Variants in ITGA9 observed in about 807,000 individuals in gnomAD.
The protein encoded by ITGA9 is integrin alpha-9.
A neutral mutation model predicts 127.8 loss-of-function variants in ITGA9; 56 were observed. The observed-to-expected ratio is 0.44, with a 90% CI of 0.35 to 0.55. ITGA9 has a LOEUF of 0.55. Among genes scored for constraint, ITGA9 ranks in the 20% least tolerant of loss-of-function variants. The probability of loss-of-function intolerance (pLI) is 0.00; values close to 1 mark genes in which losing one functional copy is unlikely to be tolerated. For missense variants in ITGA9, 1,196 were observed against 1,347.1 expected (o/e 0.89, Z 1.76); for synonymous variants, 508 against 514.5 (o/e 0.99, Z 0.17).
chr3:37,627,453 C>G (rs538010461), intron 15 of ITGA9, among the ~76,000 whole-genome samples: 154 of 152,204 alleles, frequency 1.0e-3, no homozygotes, highest in African/African-American at 3.6e-3. Context: ...CTCCTCTCCC[C>G]CCGCAGCCCC....
intron 15 of ITGA9, among the ~76,000 whole-genome samples, chr3:37,603,428 C>T (rs1056506121): frequency 6.6e-6 from 1 of 152,164 alleles, no homozygotes; most frequent in African/African-American, 2.4e-5. Flanking sequence ...CACCATTTTA[C>T]ATCAAGGACT....
chr3:37,492,657 C>T (rs551558475), intron 4 of ITGA9, among the ~76,000 whole-genome samples: 1 of 152,182 alleles, frequency 6.6e-6, no homozygotes, highest in Non-Finnish European at 1.5e-5. Context: ...CTATTCATGT[C>T]AGAAATTTAT....
At chr3:37,768,458 A>G (rs538292354) in intron 23 of ITGA9, among the ~76,000 whole-genome samples, 1 of 152,294 alleles carries the variant, frequency 6.6e-6, no homozygotes, top group African/African-American at 2.4e-5. Flanking sequence ...CTGTCTTTTG[A>G]TGCCTTGGTT....
At chr3:37,721,267 T>G (rs995738719) in intron 18 of ITGA9, among the ~76,000 whole-genome samples, 2 of 152,018 alleles carry the variant, frequency 1.3e-5, no homozygotes, top group Non-Finnish European at 1.5e-5. Flanking sequence ...CACAGGTGTG[T>G]GCCACCACCT....
At chr3:37,624,721 C>A (rs1020120480) in intron 15 of ITGA9, among the ~76,000 whole-genome samples, 11 of 152,336 alleles carry the variant, frequency 7.2e-5, no homozygotes, top group African/African-American at 2.6e-4. Context: ...ATTCTCCTGC[C>A]TCAGCCTCCT....
intron 15 of ITGA9, among the ~76,000 whole-genome samples, chr3:37,559,274 GCACACA>G (rs10569609): frequency 6.6e-6 from 1 of 150,686 alleles, no homozygotes; most frequent in Non-Finnish European, 1.5e-5. Flanking sequence ...AACTATGTGA[GCACACA>G]CACACACACA....
At chr3:37,503,343 A>C (rs1347402819) in intron 6 of ITGA9, 36 bp downstream of exon 6, 2 of 1,610,862 alleles carry the variant, frequency 1.2e-6, no homozygotes, top group Non-Finnish European at 1.7e-6. Flanking sequence ...AAGAAAGGGG[A>C]AATGGGAGTG....
intron 14 of ITGA9, among the ~76,000 whole-genome samples, chr3:37,534,812 T>C (rs1699192884): frequency 6.6e-6 from 1 of 152,220 alleles, no homozygotes. Flanking sequence ...CACACAGATA[T>C]TGTTGAAGCC....
intron 19 of ITGA9, among the ~76,000 whole-genome samples, chr3:37,733,366 A>G (rs944692611): frequency 4.6e-5 from 7 of 152,150 alleles, no homozygotes; most frequent in Admixed American, 2.0e-4. Context: ...TTCATGGAAC[A>G]TTGTAGTATG....
intron 15 of ITGA9, among the ~76,000 whole-genome samples, chr3:37,571,378 C>T (rs1699600544): frequency 6.6e-6 from 1 of 152,134 alleles, no homozygotes; most frequent in Admixed American, 6.5e-5. Flanking sequence ...AAGGCTGGGC[C>T]TTCTTAGGTG....
At chr3:37,748,324 G>A (rs1696533216) in intron 22 of ITGA9, 1 of 572,734 alleles carries the variant, frequency 1.7e-6, no homozygotes, top group African/African-American at 1.9e-5. Flanking sequence ...CCAGCATGCT[G>A]TTGGCATTGT....
chr3:37,545,780 C>A (rs1205155115), intron 15 of ITGA9, among the ~76,000 whole-genome samples: 1 of 152,234 alleles, frequency 6.6e-6, no homozygotes, highest in Non-Finnish European at 1.5e-5. Context: ...AAGCCCAACA[C>A]CTCCCCTCAG....
intron 18 of ITGA9, among the ~76,000 whole-genome samples, chr3:37,719,222 C>A (rs1701165134): frequency 6.6e-6 from 1 of 152,132 alleles, no homozygotes; most frequent in Non-Finnish European, 1.5e-5. Flanking sequence ...GAGGAAGGAT[C>A]ATCCTAGAAG....
At chr3:37,523,420 T>TAAGACC (rs1291514084) in intron 11 of ITGA9, 101 bp from the exon 12 acceptor site, 1 of 941,798 alleles carries the variant, frequency 1.1e-6, no homozygotes, top group African/African-American at 1.6e-5. Context: ...TCAACAACTT[T>TAAGACC]AAGACCAAGT....
At chr3:37,465,836 C>CT (rs776523467) in intron 1 of ITGA9, among the ~76,000 whole-genome samples, 1 of 152,128 alleles carries the variant, frequency 6.6e-6, no homozygotes, top group Non-Finnish European at 1.5e-5. Flanking sequence ...GTGGGGATTA[C>CT]ATATGTGAGT....
intron 25 of ITGA9, among the ~76,000 whole-genome samples, chr3:37,783,818 G>A (rs1697006942): frequency 6.6e-6 from 1 of 152,164 alleles, no homozygotes; most frequent in African/African-American, 2.4e-5. Flanking sequence ...TTTAAAATGT[G>A]TCTTATGGTT....
chr3:37,645,902 C>A (rs1700371810), intron 16 of ITGA9, among the ~76,000 whole-genome samples: 2 of 152,136 alleles, frequency 1.3e-5, no homozygotes, highest in South Asian at 4.1e-4. Context: ...TAGATGACAT[C>A]CTCTCTGAAG....
chr3:37,687,392 C>T (rs1392251519), intron 18 of ITGA9, among the ~76,000 whole-genome samples: 1 of 148,568 alleles, frequency 6.7e-6, no homozygotes, highest in Admixed American at 6.6e-5. Flanking sequence ...AAAAGGATGA[C>T]ATGAGGACTA....
intron 8 of ITGA9, among the ~76,000 whole-genome samples, chr3:37,509,856 A>T (rs371897455): frequency 2.0e-4 from 31 of 152,268 alleles, no homozygotes; most frequent in East Asian, 1.4e-3. Flanking sequence ...GCTACTTGTG[A>T]TTTACAAAAG....
Sources: gnomAD v4.1 joint callset for allele counts (sites outside exome capture counted in the v4.1 genomes callset) on GRCh38, gnomAD v4.1.1 for gene constraint, MANE v1.5 for transcripts, NCBI Gene and HGNC (gene_info 2026-07-23, HGNC 2026-07-21) for gene names.